Variants in EHBP1 observed in about 807,000 individuals in gnomAD.
EHBP1 encodes EH domain binding protein 1.
A neutral mutation model predicts 144.0 loss-of-function variants in EHBP1; 55 were observed. That is an observed-to-expected ratio of 0.38 (90% CI 0.31 to 0.48). The LOEUF is 0.48. Ranked by LOEUF, EHBP1 falls within the 20% of genes least tolerant of loss-of-function variation. The probability of loss-of-function intolerance (pLI) is 0.98; values close to 1 mark genes in which losing one functional copy is unlikely to be tolerated. For synonymous variants in EHBP1, 469 were observed against 472.7 expected (o/e 0.99, Z 0.10); for missense variants, 1,200 against 1,364.2 (o/e 0.88, Z 1.90).
At chr2:62,693,408 T>C (rs1475301216) in intron 1 of EHBP1, among the ~76,000 whole-genome samples, 1 of 152,180 alleles carries the variant, frequency 6.6e-6, no homozygotes, top group Non-Finnish European at 1.5e-5. Flanking sequence ...GTAATAATTC[T>C]TCATATATTC....
chr2:62,981,658 A>G (rs1458694835), intron 15 of EHBP1, among the ~76,000 whole-genome samples: 1 of 152,198 alleles, frequency 6.6e-6, no homozygotes, highest in Non-Finnish European at 1.5e-5. Context: ...GTTACAACCC[A>G]AAGTGTGGTT....
chr2:62,790,227 G>A (rs2043083476), intron 5 of EHBP1, among the ~76,000 whole-genome samples: 1 of 152,138 alleles, frequency 6.6e-6, no homozygotes, highest in Non-Finnish European at 1.5e-5. Flanking sequence ...CAAACAGAGT[G>A]GTTTGTCAGG....
chr2:62,775,359 C>T (rs2041984093), intron 5 of EHBP1, among the ~76,000 whole-genome samples: 1 of 152,182 alleles, frequency 6.6e-6, no homozygotes, highest in Non-Finnish European at 1.5e-5. Context: ...TTTCACATTT[C>T]ATGCAAAAGA....
At chr2:62,994,362 T>G (rs2059546800) in intron 18 of EHBP1, among the ~76,000 whole-genome samples, 1 of 152,116 alleles carries the variant, frequency 6.6e-6, no homozygotes, top group South Asian at 2.1e-4. Flanking sequence ...TTTTGTTGGC[T>G]TGGGTTAATG....
rs539994040 is a variant in EHBP1, at chr2:62,901,909, G to A, written c.1185+27377G>A. On this transcript the variant is annotated intron_variant, in intron 10 of 22. Transcript: ENST00000431489. ...GAGCCCAGGAGGTTGAGGCTGCAGTGAGCCGTGACTGTGCCACTGCACTCC... is the reference window on the plus strand; with the variant it reads ...GAGCCCAGGAGGTTGAGGCTGCAGTAAGCCGTGACTGTGCCACTGCACTCC... 1.4e-4 allele frequency among the ~76,000 whole-genome samples: 22 copies of A among 151,794 alleles called. No individual in the cohort carries two copies. The South Asian group carries it at 2.9e-3, about 20-fold the overall frequency.
intron 10 of EHBP1, among the ~76,000 whole-genome samples, chr2:62,900,241 A>G (rs1332247092): frequency 1.3e-5 from 2 of 152,180 alleles, no homozygotes; most frequent in African/African-American, 4.8e-5. Context: ...CTAAAATTAC[A>G]TCATTGAGAA....
At chr2:62,770,784 A>T (rs1325325898) in intron 4 of EHBP1, among the ~76,000 whole-genome samples, 2 of 152,194 alleles carry the variant, frequency 1.3e-5, no homozygotes, top group Non-Finnish European at 2.9e-5. Context: ...CAGACTAAAT[A>T]AAATGTTGTA....
intron 10 of EHBP1, among the ~76,000 whole-genome samples, chr2:62,896,408 G>A (rs1436286031): frequency 1.3e-5 from 2 of 152,272 alleles, no homozygotes. Flanking sequence ...TAAATCATGC[G>A]TGGTGGAAAG....
chr2:62,783,390 G>A (rs1251616451), intron 5 of EHBP1, among the ~76,000 whole-genome samples: 1 of 152,224 alleles, frequency 6.6e-6, no homozygotes, highest in African/African-American at 2.4e-5. Context: ...CTGTGTAGGG[G>A]CTCCAACCTG....
chr2:62,884,440 C>T (rs899011954), intron 10 of EHBP1, among the ~76,000 whole-genome samples: 7 of 152,226 alleles, frequency 4.6e-5, no homozygotes, highest in Admixed American at 2.6e-4. Flanking sequence ...GTGTGGGCCC[C>T]GTGGGGTTTT....
intron 5 of EHBP1, among the ~76,000 whole-genome samples, chr2:62,819,482 G>T (rs1027983398): frequency 2.3e-4 from 35 of 152,196 alleles, no homozygotes; most frequent in African/African-American, 8.0e-4. Context: ...CTGCAGCCGG[G>T]CACAGTGGCT....
intron 10 of EHBP1, among the ~76,000 whole-genome samples, chr2:62,923,836 C>T (rs1450446623): frequency 1.3e-5 from 2 of 152,188 alleles, no homozygotes; most frequent in Non-Finnish European, 1.5e-5. Flanking sequence ...GCAAAACAGT[C>T]CTGTGGGCCA....
chr2:62,705,542 A>G (rs1327242572), upstream of EHBP1: 1 of 151,834 alleles, frequency 6.6e-6, no homozygotes, highest in Non-Finnish European at 1.5e-5. Flanking sequence ...GGCTTCGGGG[A>G]AAAACCACCT....
intron 10 of EHBP1, among the ~76,000 whole-genome samples, chr2:62,877,889 C>T (rs1345903693): frequency 6.6e-6 from 1 of 152,084 alleles, no homozygotes; most frequent in Non-Finnish European, 1.5e-5. Context: ...AGAAAGGTCT[C>T]AAATTAACAA....
intron 14 of EHBP1, among the ~76,000 whole-genome samples, chr2:62,976,453 A>C (rs1023855694): frequency 2.0e-5 from 3 of 152,178 alleles, no homozygotes; most frequent in African/African-American, 7.2e-5. Context: ...AAATACATCA[A>C]TGTCTCACCA....
chr2:62,809,587 G>A (rs2044815119), intron 5 of EHBP1, among the ~76,000 whole-genome samples: 1 of 152,062 alleles, frequency 6.6e-6, no homozygotes, highest in African/African-American at 2.4e-5. Context: ...AAGGTTTGGG[G>A]TATGGATCCT....
intron 19 of EHBP1, among the ~76,000 whole-genome samples, chr2:63,006,470 A>G (rs1163016322): frequency 1.3e-5 from 2 of 151,856 alleles, no homozygotes; most frequent in African/African-American, 4.8e-5. Context: ...CATTCATACA[A>G]CTATTAGATA....
intron 7 of EHBP1, among the ~76,000 whole-genome samples, chr2:62,836,376 A>G (rs2047255986): frequency 7.2e-6 from 1 of 138,738 alleles, no homozygotes; most frequent in Admixed American, 7.3e-5. Context: ...AGTAGATAAA[A>G]CCACAAAGAT....
At chr2:62,840,287 T>G (rs1378619524) in intron 7 of EHBP1, among the ~76,000 whole-genome samples, 5 of 146,794 alleles carry the variant, frequency 3.4e-5, no homozygotes, top group Non-Finnish European at 6.0e-5. Context: ...GCTAGCCATA[T>G]GTAGGAAGCT....
Sources: gnomAD v4.1 joint callset for allele counts (sites outside exome capture counted in the v4.1 genomes callset) on GRCh38, gnomAD v4.1.1 for gene constraint, MANE v1.5 for transcripts, NCBI Gene and HGNC (gene_info 2026-07-23, HGNC 2026-07-21) for gene names.